CDH8: variants seen among roughly 807,000 people sequenced by gnomAD.
CDH8 encodes cadherin-8.
A neutral mutation model predicts 68.1 loss-of-function variants in CDH8; 17 were observed. The ratio of observed to expected loss-of-function variants is 0.25; its 90% CI spans 0.17 to 0.37. The LOEUF (loss-of-function observed/expected upper bound fraction) is 0.37. Ranked by LOEUF, CDH8 falls within the 10% of genes least tolerant of loss-of-function variation. CDH8 has a pLI of 1.00. For missense variants in CDH8, 763 were observed against 999.3 expected (o/e 0.76, Z 3.19); for synonymous variants, 372 against 365.1 (o/e 1.02, Z -0.21).
At chr16:61,914,650 C>G (rs932560317) in intron 2 of CDH8, among the ~76,000 whole-genome samples, 1 of 151,548 alleles carries the variant, frequency 6.6e-6, no homozygotes, top group African/African-American at 2.4e-5. Context: ...AATGATGCCA[C>G]CAACATGGCA....
At chr16:61,987,579 C>T (rs945129659) in intron 2 of CDH8, among the ~76,000 whole-genome samples, 40 of 151,936 alleles carry the variant, frequency 2.6e-4, no homozygotes, top group African/African-American at 8.7e-4. Flanking sequence ...ATTTTACCTC[C>T]GTTTGGTAGG....
chr16:61,825,967 A>G (rs565400141), intron 4 of CDH8, among the ~76,000 whole-genome samples: 2 of 151,946 alleles, frequency 1.3e-5, no homozygotes, highest in Admixed American at 1.3e-4. Context: ...CTTGTTAAAG[A>G]TCCAAAATTT....
intron 2 of CDH8, among the ~76,000 whole-genome samples, chr16:61,933,903 A>G (rs1964586798): frequency 6.6e-6 from 1 of 152,176 alleles, no homozygotes; most frequent in Admixed American, 6.5e-5. Context: ...TTAAAAATAC[A>G]TGGATTTATT....
intron 2 of CDH8, among the ~76,000 whole-genome samples, chr16:61,987,758 C>A (rs139705836): frequency 0.011 from 1,609 of 150,736 alleles, 16 homozygotes; most frequent in Admixed American, 0.021. Context: ...AAAAAAAAAA[C>A]CCAGTCTCTG....
chr16:61,694,768 T>G (rs900344117), intron 10 of CDH8, among the ~76,000 whole-genome samples: 12 of 151,652 alleles, frequency 7.9e-5, no homozygotes, highest in African/African-American at 2.2e-4. Flanking sequence ...GTTGTTGCTG[T>G]TGGTGGTGGT....
intron 10 of CDH8, among the ~76,000 whole-genome samples, chr16:61,689,069 T>C (rs1290212595): frequency 1.3e-5 from 2 of 151,962 alleles, no homozygotes; most frequent in East Asian, 3.9e-4. Context: ...ATTAGAAACA[T>C]AAGGAAGAGC....
At chr16:61,827,716 T>C (rs528682143) in intron 4 of CDH8, among the ~76,000 whole-genome samples, 1 of 151,866 alleles carries the variant, frequency 6.6e-6, no homozygotes, top group East Asian at 2.0e-4. Flanking sequence ...CAAAAGTCTT[T>C]TTACCCTCCC....
intron 3 of CDH8, among the ~76,000 whole-genome samples, chr16:61,878,187 A>G (rs1567511136): frequency 6.6e-6 from 1 of 152,238 alleles, no homozygotes. Flanking sequence ...CATCCTTAAT[A>G]AGATGGCCAA....
intron 1 of CDH8, among the ~76,000 whole-genome samples, chr16:62,025,154 G>T (rs566781189): frequency 7.6e-4 from 115 of 152,260 alleles, no homozygotes; most frequent in Non-Finnish European, 1.5e-3. Context: ...GGGGGTATAA[G>T]TGAAAGAACA....
chr16:61,940,781 T>C (rs1026096491), intron 2 of CDH8: 9 of 152,212 alleles, frequency 5.9e-5, no homozygotes, highest in African/African-American at 2.2e-4. Flanking sequence ...TGTAATCATG[T>C]CTGGCTGACT....
intron 2 of CDH8, among the ~76,000 whole-genome samples, chr16:61,905,825 G>A (rs1964051118): frequency 6.6e-6 from 1 of 151,974 alleles, no homozygotes; most frequent in Non-Finnish European, 1.5e-5. Context: ...AACCCCGGAG[G>A]TGGAGGTTGC....
intron 4 of CDH8, among the ~76,000 whole-genome samples, chr16:61,840,530 T>C (rs1962661291): frequency 6.6e-6 from 1 of 152,208 alleles, no homozygotes; most frequent in Non-Finnish European, 1.5e-5. Context: ...CTAAATATTT[T>C]TCAATGGCTC....
At chr16:61,962,916 C>CT (rs747571552) in intron 2 of CDH8, among the ~76,000 whole-genome samples, 17 of 152,008 alleles carry the variant, frequency 1.1e-4, no homozygotes, top group East Asian at 1.9e-4. Context: ...ATCTTTTGAT[C>CT]TTTTTTTCAT....
chr16:61,929,632 A>C (rs527371139), intron 2 of CDH8, among the ~76,000 whole-genome samples: 2 of 152,200 alleles, frequency 1.3e-5, no homozygotes, highest in Non-Finnish European at 2.9e-5. Context: ...TCCCATCTGC[A>C]ATCCGCCACT....
At chr16:62,001,198 A>G (rs1017323750) in intron 2 of CDH8, among the ~76,000 whole-genome samples, 2 of 152,148 alleles carry the variant, frequency 1.3e-5, no homozygotes, top group Non-Finnish European at 2.9e-5. Flanking sequence ...GACCACCTAC[A>G]TGGAGAAGAT....
chr16:61,947,906 T>C (rs1307150925), intron 2 of CDH8, among the ~76,000 whole-genome samples: 1 of 152,146 alleles, frequency 6.6e-6, no homozygotes, highest in African/African-American at 2.4e-5. Flanking sequence ...GGAATTTTTA[T>C]CCATACAGTG....
intron 10 of CDH8, among the ~76,000 whole-genome samples, chr16:61,707,507 T>C (rs921885997): frequency 6.6e-6 from 1 of 152,088 alleles, no homozygotes; most frequent in African/African-American, 2.4e-5. Context: ...CCCAAGACAA[T>C]TTTTTTCATG....
At chr16:61,990,728 G>C (rs1376577231) in intron 2 of CDH8, among the ~76,000 whole-genome samples, 1 of 152,100 alleles carries the variant, frequency 6.6e-6, no homozygotes, top group Admixed American at 6.5e-5. Context: ...GGAAGCTGAA[G>C]TGGGAGGATT....
intron 7 of CDH8, among the ~76,000 whole-genome samples, chr16:61,794,689 A>G (rs927364017): frequency 3.9e-5 from 6 of 152,050 alleles, no homozygotes; most frequent in African/African-American, 1.4e-4. Context: ...TTAAGTGATG[A>G]AAGATGAAGC....
Sources: gnomAD v4.1 joint callset for allele counts (sites outside exome capture counted in the v4.1 genomes callset) on GRCh38, gnomAD v4.1.1 for gene constraint, MANE v1.5 for transcripts, NCBI Gene and HGNC (gene_info 2026-07-23, HGNC 2026-07-21) for gene names.